The following KCNQ5 variants were observed in gnomAD, a reference collection of about 807,000 sequenced individuals.
KCNQ5 encodes the protein potassium voltage-gated channel subfamily KQT member 5.
KCNQ5 carries 30 observed loss-of-function variants against 98.2 expected under a neutral mutation model. That is an observed-to-expected ratio of 0.31 (90% CI 0.23 to 0.41). KCNQ5 has a LOEUF of 0.41. KCNQ5 is among the 10% of genes least tolerant of loss of function. The probability of loss-of-function intolerance (pLI) is 1.00; values close to 1 mark genes in which losing one functional copy is unlikely to be tolerated. For synonymous variants in KCNQ5, 458 were observed against 449.4 expected (o/e 1.02, Z -0.24); for missense variants, 835 against 1,182.5 (o/e 0.71, Z 4.31).
intron 1 of KCNQ5, among the ~76,000 whole-genome samples, chr6:72,859,732 C>T (rs1175352265): frequency 6.6e-6 from 1 of 152,012 alleles, no homozygotes; most frequent in African/African-American, 2.4e-5. Flanking sequence ...CAGGCATGCA[C>T]CACCACTCCG....
At chr6:72,868,748 A>G (rs867438338) in intron 1 of KCNQ5, among the ~76,000 whole-genome samples, 1 of 152,316 alleles carries the variant, frequency 6.6e-6, no homozygotes, top group Middle Eastern at 3.4e-3. Context: ...CTGAGCTCCC[A>G]TAACGAGATG....
chr6:73,183,248 G>A (rs1778461978), intron 11 of KCNQ5, among the ~76,000 whole-genome samples: 1 of 152,298 alleles, frequency 6.6e-6, no homozygotes, highest in East Asian at 1.9e-4. Context: ...AAAAATGTGA[G>A]CCTTGGCATC....
Position 73,080,267 on chromosome 6 carries a change from C to T in KCNQ5, c.918+2380C>T, listed in dbSNP as rs1018020912. 3.3e-5 allele frequency among the ~76,000 whole-genome samples: 5 copies of T among 152,088 alleles called. No homozygotes were observed. In the East Asian group the frequency reaches 7.7e-4, roughly 24 times the overall value. On this transcript the variant is annotated intron_variant, in intron 5 of 13. Coordinates refer to ENST00000370398, the MANE Select transcript of KCNQ5 (RefSeq NM_019842.4). Reference sequence around the variant, plus strand: ...CTGCTAATTTGACTGACATTTAACCCGTACTTAACAGGTTCCTGAATGGCC... The same window carrying T: ...CTGCTAATTTGACTGACATTTAACCTGTACTTAACAGGTTCCTGAATGGCC...
intron 1 of KCNQ5, among the ~76,000 whole-genome samples, chr6:72,768,824 G>A (rs1772708199): frequency 6.6e-6 from 1 of 151,922 alleles, no homozygotes; most frequent in African/African-American, 2.4e-5. Flanking sequence ...TATTTTCATT[G>A]TAAAACCCAA....
intron 1 of KCNQ5, among the ~76,000 whole-genome samples, chr6:72,933,130 A>G (rs1582040822): frequency 6.6e-6 from 1 of 152,018 alleles, no homozygotes; most frequent in Non-Finnish European, 1.5e-5. Flanking sequence ...ATAAGCCAAT[A>G]TATTTTGGAG....
intron 13 of KCNQ5, among the ~76,000 whole-genome samples, chr6:73,193,767 T>C (rs974983083): frequency 1.3e-5 from 2 of 152,020 alleles, no homozygotes; most frequent in African/African-American, 4.8e-5. Flanking sequence ...CCTTACTAGA[T>C]TTCTGTAGAG....
At chr6:73,001,454 A>G (rs572672473) in intron 1 of KCNQ5, among the ~76,000 whole-genome samples, 29 of 152,352 alleles carry the variant, frequency 1.9e-4, no homozygotes, top group African/African-American at 6.3e-4. Context: ...GCATTCAAAT[A>G]TTGATGAAGA....
Position 72,922,810 on chromosome 6 carries a change from C to CTTTTTCTT in KCNQ5, c.399-81093_399-81092insCTTTTTTT, listed in dbSNP as rs1554186016. 5.4e-3 allele frequency among the ~76,000 whole-genome samples: 556 copies of CTTTTTCTT among 103,832 alleles called. 18 individuals carry two copies. The highest frequency in any genetic ancestry group is 0.016 in the South Asian group (50 of 3,074). 68.1% of individuals were successfully genotyped at this position (103,832 alleles called of 152,430 possible). A position where few individuals can be genotyped will look rare whatever the true frequency, so the allele number is the denominator to read the frequency against. ...CCTTTCTTTCTTTCTTTTTCTTTTT[C>CTTTTTCTT]TTTTTTTTTTTTTTTTTTTGAGATG... On this transcript the variant is annotated intron_variant, in intron 1 of 13. Coordinates refer to ENST00000370398, the MANE Select transcript of KCNQ5 (RefSeq NM_019842.4).
At chr6:72,705,938 G>C (rs1367891838) in intron 1 of KCNQ5, among the ~76,000 whole-genome samples, 3 of 152,022 alleles carry the variant, frequency 2.0e-5, no homozygotes, top group South Asian at 2.1e-4. Context: ...GTGTGTGTGT[G>C]TGAACATTTA....
At chr6:72,735,079 A>C (rs919981756) in intron 1 of KCNQ5, among the ~76,000 whole-genome samples, 4 of 152,232 alleles carry the variant, frequency 2.6e-5, no homozygotes, top group African/African-American at 9.6e-5. Flanking sequence ...ATAGTTTAGC[A>C]AATATCTAAC....
chr6:72,661,813 T>C (rs1766540579), intron 1 of KCNQ5, among the ~76,000 whole-genome samples: 1 of 152,160 alleles, frequency 6.6e-6, no homozygotes, highest in African/African-American at 2.4e-5. Flanking sequence ...TAGCATACAA[T>C]GGTGCATAAT....
intron 1 of KCNQ5, among the ~76,000 whole-genome samples, chr6:72,887,542 T>C (rs751945998): frequency 1.3e-5 from 2 of 152,124 alleles, no homozygotes; most frequent in African/African-American, 4.8e-5. Flanking sequence ...TAAACAAATG[T>C]TGACTACAAA....
intron 1 of KCNQ5, among the ~76,000 whole-genome samples, chr6:72,723,230 T>C (rs1281699612): frequency 6.6e-6 from 1 of 152,192 alleles, no homozygotes; most frequent in East Asian, 1.9e-4. Context: ...ACATGATTTA[T>C]TTATATTTAA....
intron 10 of KCNQ5, 66 bp from the exon 11 acceptor site, chr6:73,169,680 A>G: frequency 8.4e-7 from 1 of 1,185,504 alleles, no homozygotes; most frequent in Non-Finnish European, 1.3e-6. Flanking sequence ...CCACGTGAGA[A>G]AAATTCAGCA....
chr6:73,046,599 C>CTAT (rs1562145912), intron 3 of KCNQ5, among the ~76,000 whole-genome samples: 1 of 72,406 alleles, frequency 1.4e-5, no homozygotes, highest in African/African-American at 5.4e-5. Flanking sequence ...TTTTACTTTA[C>CTAT]TTTATTTTAT....
intron 1 of KCNQ5, among the ~76,000 whole-genome samples, chr6:72,664,703 A>G (rs988770542): frequency 1.3e-5 from 2 of 152,058 alleles, no homozygotes; most frequent in African/African-American, 4.8e-5. Context: ...AAAAAACACA[A>G]AAGCTATATA....
intron 5 of KCNQ5, among the ~76,000 whole-genome samples, chr6:73,081,715 AAAG>A (rs1388380445): frequency 1.1e-4 from 16 of 152,222 alleles, no homozygotes; most frequent in African/African-American, 3.4e-4. Flanking sequence ...TGCCTGAAAG[AAAG>A]AAGGATTTAT....
chr6:73,107,173 T>A (rs1775037510), intron 6 of KCNQ5, among the ~76,000 whole-genome samples: 1 of 152,166 alleles, frequency 6.6e-6, no homozygotes, highest in Non-Finnish European at 1.5e-5. Flanking sequence ...TGAGGCCACA[T>A]GTAGAGCAAC....
chr6:72,862,335 T>C (rs1284653068), intron 1 of KCNQ5, among the ~76,000 whole-genome samples: 1 of 152,152 alleles, frequency 6.6e-6, no homozygotes, highest in African/African-American at 2.4e-5. Flanking sequence ...GGAAGTTGAC[T>C]AAGTGTTTTC....
Sources: gnomAD v4.1 joint callset for allele counts (sites outside exome capture counted in the v4.1 genomes callset) on GRCh38, gnomAD v4.1.1 for gene constraint, MANE v1.5 for transcripts, NCBI Gene and HGNC (gene_info 2026-07-23, HGNC 2026-07-21) for gene names.